The following COL27A1 variants were observed in gnomAD, a reference collection of about 807,000 sequenced individuals.
COL27A1 encodes the protein collagen alpha-1(XXVII) chain.
A neutral mutation model predicts 251.3 loss-of-function variants in COL27A1; 106 were observed. The ratio of observed to expected loss-of-function variants is 0.42; its 90% CI spans 0.36 to 0.50. COL27A1 has a LOEUF of 0.50. COL27A1 is among the 20% of genes least tolerant of loss of function. COL27A1 has a pLI of 0.00. For missense variants in COL27A1, 2,325 were observed against 2,522.8 expected (o/e 0.92, Z 1.68); for synonymous variants, 1,000 against 986.3 (o/e 1.01, Z -0.26).
chr9:114,301,832 G>A, intron 55 of COL27A1, 115 bp downstream of exon 55: 1 of 1,065,384 alleles, frequency 9.4e-7, no homozygotes. Flanking sequence ...GGTTCTTGTA[G>A]CCCACAGACT....
Position 114,167,707 on chromosome 9 carries a change from G to A in COL27A1, c.152G>A (p.Arg51Gln), listed in dbSNP as rs141549766. The change falls in exon 3 of 61, where the codon CGG becomes CAG. Residue 51 changes from arginine (R) to glutamine (Q), a missense_variant. Transcript: ENST00000356083. ...CTCTCAGATGTGGACATCCTCCAGC[G>A]GCTGGGCCTCAGCTGGACGAAGGCC... ...GAPEDVDILQ[R>Q]LGLSWTKAGS... The A allele has an allele frequency of 1.9e-3, 3,026 of 1,611,908 alleles. 57 individuals are homozygous for A. In the South Asian group the frequency reaches 0.023, roughly 12 times the overall value.
At chr9:114,174,637 TGGA>T (rs1483141791) in intron 3 of COL27A1, among the ~76,000 whole-genome samples, 1 of 152,070 alleles carries the variant, frequency 6.6e-6, no homozygotes, top group African/African-American at 2.4e-5. Flanking sequence ...GGGGAGTAAA[TGGA>T]GAAGAACCAG....
intron 7 of COL27A1, among the ~76,000 whole-genome samples, chr9:114,198,122 C>T (rs1157636208): frequency 1.3e-5 from 2 of 152,236 alleles, no homozygotes; most frequent in African/African-American, 2.4e-5. Flanking sequence ...GTGAGGTTAG[C>T]TTCCTCTTCG....
At position 114,309,248 on chromosome 9, in the gene COL27A1, G is replaced by C. The variant is rs778745370; in HGVS notation, c.5218-12G>C. The C allele has an allele frequency of 1.2e-5, 19 of 1,613,604 alleles. No individual in the cohort carries two copies. Among genetic ancestry groups the C allele is most frequent in the Admixed American group, 3.3e-5 (2 of 60,028 alleles). ...GCAGCCTGAGCCGCTCACTGCCGTT[G>C]CTTCTCTATAGGTCGAGTTTGCCAT... On this transcript the variant is annotated splice_polypyrimidine_tract_variant and intron_variant, in intron 59 of 60. Coordinates refer to ENST00000356083, the MANE Select transcript of COL27A1 (RefSeq NM_032888.4).
chr9:114,289,847 G>A (rs1025645406), intron 45 of COL27A1, among the ~76,000 whole-genome samples: 23 of 152,188 alleles, frequency 1.5e-4, no homozygotes, highest in Non-Finnish European at 2.8e-4. Context: ...CCAGTGAGGG[G>A]ACACCAAGGC....
Position 114,155,785 on chromosome 9 carries a change from C to A in COL27A1, c.-166C>A. On this transcript the variant is annotated 5_prime_UTR_variant, in exon 1 of 61. Coordinates refer to ENST00000356083, the MANE Select transcript of COL27A1 (RefSeq NM_032888.4). This position sits in a 1 kb window ranked among gnomAD's most constrained non-coding sequence, Gnocchi z 5.5. Reference sequence around the variant, plus strand: ...GGCGCGGGCGCCCGCGGGGCCCCAGCCGCGCTGCCTGCCTGCTCGGGCGCC... The same window carrying A: ...GGCGCGGGCGCCCGCGGGGCCCCAGACGCGCTGCCTGCCTGCTCGGGCGCC... 5.4e-6 allele frequency: 2 copies of A among 373,356 alleles called. No homozygotes were observed. Among genetic ancestry groups the A allele is most frequent in the South Asian group, 1.1e-4 (1 of 9,396 alleles). 23.1% of individuals were successfully genotyped at this position (373,356 alleles called of 1,614,324 possible). A position where few individuals can be genotyped will look rare whatever the true frequency, so the allele number is the denominator to read the frequency against.
At chr9:114,261,605 G>A (rs1834341675) in intron 28 of COL27A1, among the ~76,000 whole-genome samples, 1 of 152,212 alleles carries the variant, frequency 6.6e-6, no homozygotes, top group Non-Finnish European at 1.5e-5. Flanking sequence ...CTGGGATAGT[G>A]AGTTCTCTCA....
At chr9:114,288,360 C>A in intron 41 of COL27A1, 95 bp from the exon 42 acceptor site, 2 of 1,301,608 alleles carry the variant, frequency 1.5e-6, no homozygotes, top group Non-Finnish European at 2.2e-6. Flanking sequence ...CCTAAGCAGG[C>A]TAGAATTCAT....
At chr9:114,199,817 C>A (rs1335951404) in intron 7 of COL27A1, among the ~76,000 whole-genome samples, 1 of 152,176 alleles carries the variant, frequency 6.6e-6, no homozygotes, top group African/African-American at 2.4e-5. Flanking sequence ...CATTCAACTC[C>A]CTCGCTCCTC....
intron 3 of COL27A1, among the ~76,000 whole-genome samples, chr9:114,177,472 G>A (rs2051123079): frequency 6.6e-6 from 1 of 152,224 alleles, no homozygotes; most frequent in African/African-American, 2.4e-5. Flanking sequence ...GGAGACCACT[G>A]AGGGGGCTGC....
intron 2 of COL27A1, among the ~76,000 whole-genome samples, chr9:114,165,388 A>T (rs1040682761): frequency 1.4e-5 from 2 of 145,704 alleles, no homozygotes; most frequent in Non-Finnish European, 3.0e-5. Context: ...TCCAATATCC[A>T]TCCATCCATC....
At chr9:114,176,349 A>G (rs991052911) in intron 3 of COL27A1, among the ~76,000 whole-genome samples, 3 of 152,236 alleles carry the variant, frequency 2.0e-5, no homozygotes, top group African/African-American at 4.8e-5. Flanking sequence ...AGGACGTTCC[A>G]GAAGCTTGCT....
chr9:114,255,283 T>G (rs1012272236), intron 27 of COL27A1, among the ~76,000 whole-genome samples: 8 of 152,158 alleles, frequency 5.3e-5, no homozygotes, highest in African/African-American at 1.9e-4. Flanking sequence ...CAGCTTGGAA[T>G]GCAAGGGCCC....
At chr9:114,259,999 G>GC (rs1378185445) in intron 28 of COL27A1, among the ~76,000 whole-genome samples, 2 of 149,014 alleles carry the variant, frequency 1.3e-5, no homozygotes, top group African/African-American at 5.1e-5. Flanking sequence ...TCTGGGTGGG[G>GC]GGGGGGTCTC....
chr9:114,292,535 C>A (rs1286433835), intron 49 of COL27A1, among the ~76,000 whole-genome samples: 3 of 152,072 alleles, frequency 2.0e-5, no homozygotes, highest in Admixed American at 1.3e-4. Context: ...TCCCCCTGTC[C>A]CAGAGGCTGC....
intron 16 of COL27A1, among the ~76,000 whole-genome samples, chr9:114,235,257 TTAA>T (rs1832292893): frequency 6.6e-6 from 1 of 152,128 alleles, no homozygotes; most frequent in Non-Finnish European, 1.5e-5. Context: ...ACAACACCCG[TTAA>T]TGATGAAGAG....
At position 114,168,832 on chromosome 9, in the gene COL27A1, T is replaced by C. The variant is rs779837538; in HGVS notation, c.1277T>C (p.Ile426Thr). Residue 426 changes from isoleucine (I) to threonine (T), a missense_variant, in exon 3 of 61, where the codon ATC (isoleucine) becomes ACC (threonine). Ile to Thr is a moderately conservative substitution (Grantham distance 89). Transcript: ENST00000356083. ...ARVSRPAEKP[I>T]QRNPGMPRPP... ...GTCTCCCGTCCCGCAGAGAAGCCCA[T>C]CCAGAGGAACCCGGGAATGCCCAGG... 3 of 1,613,696 alleles carry C rather than the reference T, an allele frequency of 1.9e-6. No homozygotes were observed. Among genetic ancestry groups the C allele is most frequent in the African/African-American group, 2.7e-5 (2 of 74,834 alleles).
chr9:114,177,816 C>T (rs1430544168), intron 3 of COL27A1, among the ~76,000 whole-genome samples: 1 of 152,176 alleles, frequency 6.6e-6, no homozygotes, highest in Non-Finnish European at 1.5e-5. Flanking sequence ...TGTTCTGATT[C>T]TGCAGAGAAT....
intron 10 of COL27A1, among the ~76,000 whole-genome samples, chr9:114,208,155 G>C (rs1345636240): frequency 6.6e-6 from 1 of 151,784 alleles, no homozygotes; most frequent in African/African-American, 2.4e-5. Context: ...TACTTCCTCA[G>C]GGCTGGGCGC....
Sources: allele counts gnomAD v4.1 joint callset (sites outside exome capture counted in the v4.1 genomes callset), GRCh38; gene constraint gnomAD v4.1.1; non-coding constraint Gnocchi (gnomAD v3.1); transcripts MANE v1.5; gene names NCBI Gene and HGNC (gene_info 2026-07-23, HGNC 2026-07-21).